EPB41L1: variants seen among roughly 807,000 people sequenced by gnomAD.
EPB41L1 encodes erythrocyte membrane protein band 4.1 like 1, also known as band 4.1-like protein 1.
In EPB41L1, 29 loss-of-function variants were observed where a neutral mutation model predicts 97.8. The observed-to-expected ratio is 0.30, with a 90% CI of 0.22 to 0.40. EPB41L1 has a LOEUF of 0.40. Among genes scored for constraint, EPB41L1 ranks in the 10% least tolerant of loss-of-function variants. The pLI, the probability that EPB41L1 is intolerant of heterozygous loss-of-function variation, is 1.00. For missense variants in EPB41L1, 812 were observed against 1,162.3 expected (o/e 0.70, Z 4.38); for synonymous variants, 383 against 459.2 (o/e 0.83, Z 2.12).
intron 1 of EPB41L1, among the ~76,000 whole-genome samples, chr20:36,161,551 C>T (rs2041722400): frequency 6.6e-6 from 1 of 152,056 alleles, no homozygotes; most frequent in Admixed American, 6.6e-5. Flanking sequence ...TCTCAGCTCA[C>T]TGCAACCTCC....
chr20:36,126,220 A>G (rs1447387664), intron 2 of EPB41L1, among the ~76,000 whole-genome samples: 1 of 152,010 alleles, frequency 6.6e-6, no homozygotes. Flanking sequence ...CACCGTGCAT[A>G]CCTCCTAAGG....
upstream of EPB41L1, among the ~76,000 whole-genome samples, chr20:36,153,678 C>T (rs984061514): frequency 9.9e-5 from 15 of 152,122 alleles, no homozygotes; most frequent in African/African-American, 3.6e-4. Flanking sequence ...CCAGCCCTTT[C>T]GTCATTTGCA....
At chr20:36,219,981 T>C in intron 19 of EPB41L1, 137 bp downstream of exon 19, 1 of 834,452 alleles carries the variant, frequency 1.2e-6, no homozygotes, top group Non-Finnish European at 2.0e-6. Flanking sequence ...TGGAATACTG[T>C]GCGCTTTGTC....
At chr20:36,181,239 A>G (rs2061459925) in intron 5 of EPB41L1, among the ~76,000 whole-genome samples, 2 of 152,168 alleles carry the variant, frequency 1.3e-5, no homozygotes, top group Non-Finnish European at 2.9e-5. Context: ...GGAACCTGAA[A>G]TGTTCCAGGG....
At chr20:36,228,633 C>T (rs1304465956) in intron 21 of EPB41L1, among the ~76,000 whole-genome samples, 1 of 152,188 alleles carries the variant, frequency 6.6e-6, no homozygotes, top group African/African-American at 2.4e-5. Flanking sequence ...ACAGAGCTAG[C>T]AGGCCCATAG....
intron 7 of EPB41L1, among the ~76,000 whole-genome samples, chr20:36,187,232 C>G (rs371498720): frequency 6.6e-6 from 1 of 152,190 alleles, no homozygotes; most frequent in African/African-American, 2.4e-5. Flanking sequence ...GAATGTGCAC[C>G]TGTTCCTTAG....
In EPB41L1 at chr20:36,095,680, T is replaced by C. The variant is rs140612523; in HGVS notation, c.-65+4068T>C. The stretch of plus-strand genomic sequence containing the variant: ...CTCACTACTAATCTCCCCACCAATA[T>C]ACTCTAGTCTAGAGCTGTGGTTTTT... On this transcript the variant is annotated intron_variant, in intron 1 of 19. Transcript: ENST00000202028. Among the ~76,000 whole-genome samples, 1,246 of 152,280 alleles carry C rather than the reference T, an allele frequency of 8.2e-3. 28 individuals carry two copies. Among genetic ancestry groups the C allele is most frequent in the African/African-American group, 0.028 (1,161 of 41,548 alleles).
chr20:36,151,434 A>G (rs73902982), upstream of EPB41L1: 1 of 152,198 alleles, frequency 6.6e-6, no homozygotes, highest in Non-Finnish European at 1.5e-5. Context: ...AACCTGCCTA[A>G]GTAATACAAA....
Position 36,206,758 on chromosome 20 carries a change from G to T in EPB41L1, c.1669-2730G>T. ...TGAAGGCTGGGAAGATGCCCAGTGGGGAGTGGAAGGAGAGTTTCCCCACCT... is the reference window on the plus strand; with the variant it reads ...TGAAGGCTGGGAAGATGCCCAGTGGTGAGTGGAAGGAGAGTTTCCCCACCT... On this transcript the variant is annotated intron_variant, in intron 14 of 21. Coordinates refer to ENST00000338074, the MANE Select transcript of EPB41L1 (RefSeq NM_012156.2). The surrounding 1 kb of genome is among the most constrained non-coding windows in gnomAD (Gnocchi z 5.5). 7.8e-7 allele frequency: 1 copy of T among 1,289,876 alleles called. No individual in the cohort carries two copies. Among genetic ancestry groups the T allele is most frequent in the Non-Finnish European group, 1.0e-6 (1 of 988,890 alleles). The allele number at this position is 1,289,876 out of a possible 1,614,324, so 79.9% of individuals were successfully genotyped here. A position where few individuals can be genotyped will look rare whatever the true frequency, so the allele number is the denominator to read the frequency against.
At chr20:36,144,464 C>T (rs1282497552) in intron 2 of EPB41L1, among the ~76,000 whole-genome samples, 1 of 152,186 alleles carries the variant, frequency 6.6e-6, no homozygotes, top group Non-Finnish European at 1.5e-5. Flanking sequence ...ACCTCCAGAC[C>T]TTCCCACTCC....
chr20:36,130,244 G>GTT (rs113296137), intron 2 of EPB41L1, among the ~76,000 whole-genome samples: 4 of 107,528 alleles, frequency 3.7e-5, no homozygotes, highest in African/African-American at 5.8e-5. Flanking sequence ...GCCCAGCAGT[G>GTT]TTTTTTTTTT....
intron 1 of EPB41L1, among the ~76,000 whole-genome samples, chr20:36,168,285 G>T (rs1360340535): frequency 6.6e-6 from 1 of 152,228 alleles, no homozygotes; most frequent in African/African-American, 2.4e-5. Flanking sequence ...TACAGGCGCT[G>T]TCAGCATTTA....
chr20:36,134,937 G>A lies in EPB41L1; in HGVS notation c.-10+22457G>A, dbSNP rs988495751. On this transcript the variant is annotated intron_variant, in intron 2 of 19. Coordinates refer to the EPB41L1 transcript ENST00000202028. ...TGCAGTGGCTTGATCACGGCCCACTGCATGCAACCTCCACCTCCTGGGTTC... is the reference window on the plus strand; with the variant it reads ...TGCAGTGGCTTGATCACGGCCCACTACATGCAACCTCCACCTCCTGGGTTC... Among the ~76,000 whole-genome samples, 5 of 136,876 alleles carry A rather than the reference G, an allele frequency of 3.7e-5. No homozygotes were observed. The East Asian group carries it at 6.4e-4, about 18-fold the overall frequency. 89.8% of individuals were successfully genotyped at this position (136,876 alleles called of 152,430 possible).
intron 21 of EPB41L1, among the ~76,000 whole-genome samples, chr20:36,224,800 T>G (rs1302151637): frequency 6.6e-6 from 1 of 152,150 alleles, no homozygotes; most frequent in Non-Finnish European, 1.5e-5. Context: ...GGAAGTGTTA[T>G]CTAGAAAATC....
chr20:36,176,685 G>A (rs2061249594), intron 3 of EPB41L1, among the ~76,000 whole-genome samples: 1 of 139,380 alleles, frequency 7.2e-6, no homozygotes, highest in Non-Finnish European at 1.5e-5. Context: ...AGGCTGGTGT[G>A]CAGTGGTGCG....
At chr20:36,130,929 C>G (rs2059179182) in intron 2 of EPB41L1, among the ~76,000 whole-genome samples, 1 of 151,502 alleles carries the variant, frequency 6.6e-6, no homozygotes, top group South Asian at 2.1e-4. Flanking sequence ...CTGTCTCAGC[C>G]TCCTGAGTAG....
chr20:36,182,204 G>A (rs763046493), intron 5 of EPB41L1, 68 bp from the exon 6 acceptor site: 387 of 1,412,312 alleles, frequency 2.7e-4, no homozygotes, highest in Non-Finnish European at 3.6e-4. Flanking sequence ...ACTGCCCAGA[G>A]GATGGTGCAT....
At chr20:36,095,447 T>A (rs1052635647) in intron 1 of EPB41L1, among the ~76,000 whole-genome samples, 2 of 152,176 alleles carry the variant, frequency 1.3e-5, no homozygotes, top group Non-Finnish European at 2.9e-5. Context: ...CTTCATGTGT[T>A]TATCTCTTCA....
At chr20:36,199,594 G>T (rs926877648) in intron 14 of EPB41L1, among the ~76,000 whole-genome samples, 4 of 152,222 alleles carry the variant, frequency 2.6e-5, no homozygotes, top group African/African-American at 9.7e-5. Flanking sequence ...TGCTTTGGGG[G>T]CCTTTAAGGC....
Sources: allele counts gnomAD v4.1 joint callset (sites outside exome capture counted in the v4.1 genomes callset), GRCh38; gene constraint gnomAD v4.1.1; non-coding constraint Gnocchi (gnomAD v3.1); transcripts MANE v1.5; gene names NCBI Gene and HGNC (gene_info 2026-07-23, HGNC 2026-07-21).